NAV3: variants seen among roughly 807,000 people sequenced by gnomAD.
The protein encoded by NAV3 is pore membrane and/or filament interacting like protein 1.
Under a neutral mutation model 244.7 loss-of-function variants are expected in NAV3, and 87 were observed. That is an observed-to-expected ratio of 0.36 (90% confidence interval 0.30 to 0.42). NAV3 has a LOEUF of 0.42. NAV3 is among the 20% of genes least tolerant of loss of function. The pLI, the probability that NAV3 is intolerant of heterozygous loss-of-function variation, is 1.00. For synonymous variants in NAV3, 1,126 were observed against 1,042.2 expected (o/e 1.08, Z -1.55); for missense variants, 2,663 against 2,893.3 (o/e 0.92, Z 1.83).
intron 2 of NAV3, among the ~76,000 whole-genome samples, chr12:77,684,727 A>G (rs1292885531): frequency 6.6e-6 from 1 of 151,952 alleles, no homozygotes; most frequent in African/African-American, 2.4e-5. Context: ...TTTTTGTTCT[A>G]AAAATCTTAT....
chr12:77,909,989 C>T (rs1481123914), intron 1 of NAV3, among the ~76,000 whole-genome samples: 1 of 151,894 alleles, frequency 6.6e-6, no homozygotes, highest in African/African-American at 2.4e-5. Context: ...TTACAATGTT[C>T]CTAATATTTC....
chr12:77,943,654 A>G (rs79405087), intron 3 of NAV3, among the ~76,000 whole-genome samples: 2,131 of 152,314 alleles, frequency 0.014, 29 homozygotes, highest in Non-Finnish European at 0.023. Flanking sequence ...TACTCCAAAC[A>G]GGATGTTGCC....
chr12:77,709,430 A>G (rs1347880090), intron 2 of NAV3, among the ~76,000 whole-genome samples: 2 of 152,194 alleles, frequency 1.3e-5, no homozygotes, highest in African/African-American at 2.4e-5. Context: ...CCTATTCAAC[A>G]TAGTGTTGGA....
intron 2 of NAV3, among the ~76,000 whole-genome samples, chr12:77,786,830 C>G (rs1187370092): frequency 1.3e-5 from 2 of 152,040 alleles, no homozygotes; most frequent in Non-Finnish European, 1.5e-5. Context: ...CCTTGAAGCC[C>G]ACATTGTTCT....
intron 18 of NAV3, among the ~76,000 whole-genome samples, chr12:78,129,919 G>C (rs904861619): frequency 6.6e-6 from 1 of 152,116 alleles, no homozygotes; most frequent in African/African-American, 2.4e-5. Context: ...TAAAAAATTA[G>C]TAATAGAAAA....
chr12:78,116,942 C>A (rs756738232), intron 13 of NAV3, 38 bp downstream of exon 13: 3 of 1,604,112 alleles, frequency 1.9e-6, no homozygotes. Flanking sequence ...GTGTTTCTGC[C>A]AGCTTTTTCC....
intron 2 of NAV3, among the ~76,000 whole-genome samples, chr12:77,785,030 AT>A (rs972320834): frequency 3.9e-5 from 6 of 152,290 alleles, no homozygotes; most frequent in African/African-American, 1.4e-4. Context: ...GAATCTTAGC[AT>A]TAAGCCGCAG....
chr12:77,638,700 TGAATA>T (rs1689706056), intron 2 of NAV3, among the ~76,000 whole-genome samples: 1 of 152,250 alleles, frequency 6.6e-6, no homozygotes. Context: ...TCATTGTACT[TGAATA>T]GATTAAAATT....
At chr12:77,869,756 T>A (rs1460191042) in intron 1 of NAV3, among the ~76,000 whole-genome samples, 1 of 152,224 alleles carries the variant, frequency 6.6e-6, no homozygotes, top group Non-Finnish European at 1.5e-5. Flanking sequence ...TAATAATATA[T>A]TTATTGTTTT....
chr12:78,160,426 T>C (rs450035), intron 23 of NAV3, among the ~76,000 whole-genome samples: 8,337 of 141,020 alleles, frequency 0.059, 311 homozygotes, highest in Non-Finnish European at 0.08. Context: ...TGTGTGTGTA[T>C]GAAAACTGTA....
rs1952931070 is a variant in NAV3 at position 78,074,249 on chromosome 12, A to G, written c.2636+15134A>G. Among the ~76,000 whole-genome samples the G allele has an allele frequency of 2.6e-5, 4 of 152,358 alleles. No individual in the cohort carries two copies. In the South Asian group the frequency reaches 6.2e-4, roughly 24 times the overall value. On this transcript the variant is annotated intron_variant, in intron 12 of 39. Transcript: ENST00000397909. ...CAGTGCCTATTCTTGGATATTTTAT[A>G]GACTTCTGGAAAAGACACACAGAGT...
At chr12:78,035,357 G>A (rs1879675072) in intron 9 of NAV3, among the ~76,000 whole-genome samples, 1 of 152,082 alleles carries the variant, frequency 6.6e-6, no homozygotes, top group Non-Finnish European at 1.5e-5. Context: ...GTTAAATACT[G>A]AAAGGTCGAT....
chr12:78,137,398 C>T (rs1343086718), intron 19 of NAV3, 33 bp downstream of exon 19: 1 of 1,560,150 alleles, frequency 6.4e-7, no homozygotes, highest in South Asian at 1.2e-5. Flanking sequence ...GATGAAGTCA[C>T]TTTATTTAAA....
chr12:78,051,361 T>C (rs1447233419), intron 11 of NAV3, among the ~76,000 whole-genome samples: 3 of 152,168 alleles, frequency 2.0e-5, no homozygotes, highest in African/African-American at 7.2e-5. Flanking sequence ...AGCCGCTAAG[T>C]TTTTCTGTTG....
At chr12:77,660,128 A>G (rs1873364492) in intron 2 of NAV3, among the ~76,000 whole-genome samples, 1 of 152,156 alleles carries the variant, frequency 6.6e-6, no homozygotes, top group Non-Finnish European at 1.5e-5. Flanking sequence ...AAAAAAAAGA[A>G]TATGAGATAG....
chr12:77,667,903 C>G (rs906474022), intron 2 of NAV3, among the ~76,000 whole-genome samples: 1 of 152,182 alleles, frequency 6.6e-6, no homozygotes, highest in African/African-American at 2.4e-5. Flanking sequence ...TCTTCACTCC[C>G]CTGCTACCTC....
intron 11 of NAV3, among the ~76,000 whole-genome samples, chr12:78,057,480 C>T (rs1307304641): frequency 6.6e-6 from 1 of 152,204 alleles, no homozygotes; most frequent in Non-Finnish European, 1.5e-5. Flanking sequence ...AAAGATCCAT[C>T]TTTTGCACCA....
intron 2 of NAV3, among the ~76,000 whole-genome samples, chr12:77,648,392 T>C (rs698156): frequency 0.4 from 61,038 of 151,914 alleles, 13,323 homozygotes; most frequent in African/African-American, 0.57. Context: ...TGGTGTTTTA[T>C]GTCAAAAATA....
At position 78,175,329 on chromosome 12, in the gene NAV3, T is replaced by C. The variant is rs921735177; in HGVS notation, c.5005T>C (p.Ser1669Pro). Residue 1669 changes from serine (S) to proline (P), a missense_variant, in exon 25 of 40, where the codon TCC becomes CCC. Ser to Pro is a moderately conservative substitution (Grantham distance 74, BLOSUM62 -1). This residue lies in a region of NAV3 where 193 missense variants were observed against 200.7 expected (regional missense o/e 0.96). Transcript: ENST00000397909. ...AGATCTTCGCATCAGAAGACAGCAT[T>C]CCTCTGAAAGTGTTTCTAGTATCAA... ...PKDLRIRRQH[S>P]SESVSSINSA... The C allele has an allele frequency of 6.2e-7, 1 of 1,611,332 alleles. No individual in the cohort carries two copies. Among genetic ancestry groups the C allele is most frequent in the Non-Finnish European group, 8.5e-7 (1 of 1,178,184 alleles).
Sources: gnomAD v4.1 joint callset for allele counts (sites outside exome capture counted in the v4.1 genomes callset) on GRCh38, gnomAD v4.1.1 for gene constraint, gnomAD v4.1.1 regional missense constraint, MANE v1.5 for transcripts, NCBI Gene and HGNC (gene_info 2026-07-23, HGNC 2026-07-21) for gene names.